The following EIF4G3 variants were observed in gnomAD, a reference collection of about 807,000 sequenced individuals.
The protein encoded by EIF4G3 is eIF-4-gamma 3.
A neutral mutation model predicts 186.4 loss-of-function variants in EIF4G3; 34 were observed. That is an observed-to-expected ratio of 0.18 (90% confidence interval 0.14 to 0.24). The LOEUF (loss-of-function observed/expected upper bound fraction) is 0.24, where lower values mean the gene tolerates loss of function less well. Among genes scored for constraint, EIF4G3 ranks in the 10% least tolerant of loss-of-function variants. The pLI is 1.00. For missense variants in EIF4G3, 1,536 were observed against 1,948.5 expected (o/e 0.79, Z 3.99); for synonymous variants, 673 against 679.5 (o/e 0.99, Z 0.15).
At chr1:21,120,556 G>A (rs2102346656) in intron 2 of EIF4G3, among the ~76,000 whole-genome samples, 1 of 149,198 alleles carries the variant, frequency 6.7e-6, no homozygotes, top group Non-Finnish European at 1.5e-5. Context: ...AACCCAGGAG[G>A]CAGAGGCTGC....
chr1:20,923,171 T>TTAAA (rs2094602326), intron 14 of EIF4G3, among the ~76,000 whole-genome samples: 1 of 152,180 alleles, frequency 6.6e-6, no homozygotes, highest in South Asian at 2.1e-4. Context: ...ATTTTTATCT[T>TTAAA]GGTTAAAGTT....
rs143348232 is a variant in EIF4G3 at position 20,817,494 on chromosome 1, T to G, written c.4413A>C (p.Ala1471=). ...IESDSPCSSE[A]LSKKELSAEE... ...CGGCAGACAGTTCTTTCTTTGAAAG[T>G]GCTTCAGAGGAACAGGGACTGTCAG... Residue 1471 remains alanine (A), a synonymous_variant, in exon 34 of 37, where the codon GCA becomes GCC. Transcript: ENST00000602326. 2.5e-5 allele frequency: 40 copies of G among 1,607,738 alleles called. No individual in the cohort carries two copies. In the African/African-American group the frequency reaches 4.5e-4, roughly 18 times the overall value.
chr1:20,879,890 T>C (rs2081846839), intron 19 of EIF4G3, among the ~76,000 whole-genome samples: 1 of 152,114 alleles, frequency 6.6e-6, no homozygotes, highest in Non-Finnish European at 1.5e-5. Context: ...GTAAAAATAC[T>C]TTAGCCACAT....
chr1:20,997,542 G>A (rs41265975), intron 7 of EIF4G3, 59 bp downstream of exon 7: 30,193 of 1,473,864 alleles, frequency 0.02, 379 homozygotes, highest in Non-Finnish European at 0.024. Context: ...AGAGTCAGCA[G>A]CTACTAAAGC....
intron 34 of EIF4G3, among the ~76,000 whole-genome samples, chr1:20,814,976 G>GGTTTTGCTGT (rs2060196447): frequency 1.3e-5 from 1 of 76,484 alleles, no homozygotes; most frequent in Non-Finnish European, 2.7e-5. Context: ...GTGGAGACTG[G>GGTTTTGCTGT]GTTTTGCTGT....
chr1:20,857,056 G>GCC (rs1238851725), intron 25 of EIF4G3, among the ~76,000 whole-genome samples: 2 of 151,574 alleles, frequency 1.3e-5, no homozygotes, highest in Non-Finnish European at 2.9e-5. Flanking sequence ...CCAGCTACTT[G>GCC]GGAGGCTGAG....
intron 14 of EIF4G3, among the ~76,000 whole-genome samples, chr1:20,917,621 G>A (rs1242372778): frequency 5.3e-5 from 8 of 152,210 alleles, no homozygotes; most frequent in Non-Finnish European, 1.2e-4. Context: ...ATGAAGATGA[G>A]GGTAGTAGTG....
chr1:21,057,737 C>A (rs763480012), intron 3 of EIF4G3, among the ~76,000 whole-genome samples: 4 of 152,032 alleles, frequency 2.6e-5, no homozygotes, highest in Non-Finnish European at 5.9e-5. Context: ...ACTACTAACA[C>A]CTGTGATAAA....
chr1:20,877,348 T>TAGGC (rs1156617544), intron 20 of EIF4G3, among the ~76,000 whole-genome samples: 1 of 152,198 alleles, frequency 6.6e-6, no homozygotes, highest in Non-Finnish European at 1.5e-5. Flanking sequence ...GTGATTGAGT[T>TAGGC]AAATAATCCC....
At chr1:21,038,736 G>T (rs902876344) in intron 4 of EIF4G3, among the ~76,000 whole-genome samples, 2 of 152,110 alleles carry the variant, frequency 1.3e-5, no homozygotes, top group African/African-American at 4.8e-5. Context: ...TCATTAACTA[G>T]AACATTCCCA....
At chr1:20,947,803 C>G (rs966497395) in intron 13 of EIF4G3, among the ~76,000 whole-genome samples, 1 of 152,132 alleles carries the variant, frequency 6.6e-6, no homozygotes, top group African/African-American at 2.4e-5. Context: ...ATATTATACA[C>G]CAGTTAGATA....
At chr1:21,088,691 C>A (rs1417547188) in intron 3 of EIF4G3, among the ~76,000 whole-genome samples, 2 of 151,970 alleles carry the variant, frequency 1.3e-5, no homozygotes, top group African/African-American at 2.4e-5. Context: ...ACGGTGAAAC[C>A]CCATCTGTAC....
chr1:21,173,034 G>A lies in EIF4G3; in HGVS notation c.-272+3141C>T, dbSNP rs112668010. The stretch of plus-strand genomic sequence containing the variant: ...CACACCTGTAGTCCCAACTACTCAG[G>A]AGGCTGAGGTAGGGGAATCGTTTGA... On this transcript the variant is annotated intron_variant, in intron 2 of 36. Coordinates refer to ENST00000602326, the MANE Select transcript of EIF4G3 (RefSeq NM_001391906.1). 4.1e-3 allele frequency among the ~76,000 whole-genome samples: 617 copies of A among 149,728 alleles called. 5 individuals are homozygous for A. Among genetic ancestry groups the A allele is most frequent in the African/African-American group, 0.014 (585 of 40,974 alleles).
In EIF4G3 at chr1:20,842,662, G is replaced by A. The variant is rs142016490; in HGVS notation, c.3889-1634C>T. Among the ~76,000 whole-genome samples the A allele has an allele frequency of 1.6e-3, 246 of 151,724 alleles. 1 individual carries two copies. The highest frequency in any genetic ancestry group is 0.012 in the East Asian group (61 of 5,114). On this transcript the variant is annotated intron_variant, in intron 29 of 36. Transcript: ENST00000602326. ...ATTATAGGCGTGAGCCACCGCGCCC[G>A]GCTGTAAAATGTTTCTTATATATGC...
At chr1:21,064,739 C>G (rs1226524176) in intron 3 of EIF4G3, 1 of 152,120 alleles carries the variant, frequency 6.6e-6, no homozygotes, top group Non-Finnish European at 1.5e-5. Flanking sequence ...TCTACACAAG[C>G]ATAACAAATT....
chr1:20,851,493 C>A lies in EIF4G3; in HGVS notation c.3552-15G>T. The A allele has an allele frequency of 6.2e-7, 1 of 1,612,966 alleles. No homozygotes were observed. The highest frequency in any genetic ancestry group is 8.5e-7 in the Non-Finnish European group (1 of 1,179,090). ...TACTTCCACGACTTAAAAGACAAAA[C>A]AACACTTTTCAAAGGAAAGACAAGC... On this transcript the variant is annotated splice_polypyrimidine_tract_variant and intron_variant, in intron 27 of 36. Coordinates refer to ENST00000602326, the MANE Select transcript of EIF4G3 (RefSeq NM_001391906.1).
rs367643617 is a variant in EIF4G3 at position 20,949,962 on chromosome 1, G to C, written c.823+41C>G. On this transcript the variant is annotated intron_variant, in intron 13 of 36. Transcript: ENST00000602326. ...TGACGGCAATGTAATTAATAAAAAA[G>C]AGACTAAAGATAAGAGGGAGGAAAA... 7.9e-6 allele frequency: 12 copies of C among 1,512,176 alleles called. No individual in the cohort carries two copies. In the East Asian group the frequency reaches 1.1e-4, roughly 14 times the overall value. 93.7% of individuals were successfully genotyped at this position (1,512,176 alleles called of 1,614,324 possible).
In EIF4G3 at chr1:21,130,041, C is replaced by T. The variant is rs190232167; in HGVS notation, c.-271-40828G>A. Among the ~76,000 whole-genome samples, 391 of 152,028 alleles carry T rather than the reference C, an allele frequency of 2.6e-3. 1 individual carries two copies. Among genetic ancestry groups the T allele is most frequent in the Non-Finnish European group, 4.6e-3 (315 of 67,992 alleles). On this transcript the variant is annotated intron_variant, in intron 2 of 36. Coordinates refer to ENST00000602326, the MANE Select transcript of EIF4G3 (RefSeq NM_001391906.1). ...TTCTACACTGTGGGTAAATTAGCTACCATTTTAAGACTCTAAAGCCTGTGG... is the reference window on the plus strand; with the variant it reads ...TTCTACACTGTGGGTAAATTAGCTATCATTTTAAGACTCTAAAGCCTGTGG...
chr1:20,828,032 T>G (rs8179459), intron 31 of EIF4G3, among the ~76,000 whole-genome samples: 67,655 of 139,408 alleles, frequency 0.49, 16,940 homozygotes, highest in East Asian at 0.8. Context: ...TTATAAAGTT[T>G]TTTTTTTTTT....
Sources: gnomAD v4.1 joint callset for allele counts (sites outside exome capture counted in the v4.1 genomes callset) on GRCh38, gnomAD v4.1.1 for gene constraint, MANE v1.5 for transcripts, NCBI Gene and HGNC (gene_info 2026-07-23, HGNC 2026-07-21) for gene names.